The following KPNA1 variants were observed in gnomAD, a reference collection of about 807,000 sequenced individuals.
KPNA1 encodes importin subunit alpha-5.
Under a neutral mutation model 70.5 loss-of-function variants are expected in KPNA1, and 10 were observed. That is an observed-to-expected ratio of 0.14 (90% confidence interval 0.09 to 0.24). KPNA1 has a LOEUF of 0.24. Ranked by LOEUF, KPNA1 falls within the 10% of genes least tolerant of loss-of-function variation. KPNA1 has a pLI of 1.00. For missense variants in KPNA1, 397 were observed against 637.9 expected (o/e 0.62, Z 4.07); for synonymous variants, 192 against 221.9 (o/e 0.87, Z 1.20).
chr3:122,439,606 A>C (rs891117502), intron 10 of KPNA1, among the ~76,000 whole-genome samples: 2 of 152,224 alleles, frequency 1.3e-5, no homozygotes, highest in Non-Finnish European at 2.9e-5. Flanking sequence ...TTTATCTTAC[A>C]GGCACTAAAG....
At chr3:122,457,689 A>C in intron 5 of KPNA1, 1 of 1,269,830 alleles carries the variant, frequency 7.9e-7, no homozygotes, top group Non-Finnish European at 1.0e-6. Flanking sequence ...TTCCTTAAAT[A>C]AGGAAAATGA....
rs2075876107 is a variant in KPNA1, at chr3:122,429,778, A to G, written c.1251-2062T>C. Among the ~76,000 whole-genome samples the G allele has an allele frequency of 3.3e-5, 5 of 152,214 alleles. No homozygotes were observed. The South Asian group carries it at 1.0e-3, about 32-fold the overall frequency. ...ACTGAAGAACAAAGTTGGAGGAATGACATTATCAACTTACTATAATCTAAT... is the reference window on the plus strand; with the variant it reads ...ACTGAAGAACAAAGTTGGAGGAATGGCATTATCAACTTACTATAATCTAAT... On this transcript the variant is annotated intron_variant, in intron 12 of 13. Transcript: ENST00000344337.
At chr3:122,442,738 T>C (rs2076080515) in intron 9 of KPNA1, 1 of 152,206 alleles carries the variant, frequency 6.6e-6, no homozygotes, top group Non-Finnish European at 1.5e-5. Flanking sequence ...GTCCTATTTT[T>C]CCCTCCACTT....
rs563416908 is a variant in KPNA1 at position 122,504,281 on chromosome 3, C to T, written c.-5-7711G>A. ...AATTCAGTATCTGGTGAGGACCCAC[C>T]TCCTGGTTCACAGATGACCATTTTT... On this transcript the variant is annotated intron_variant, in intron 1 of 13. Transcript: ENST00000344337. Among the ~76,000 whole-genome samples the T allele has an allele frequency of 7.3e-5, 11 of 151,422 alleles. No homozygotes were observed. In the South Asian group the frequency reaches 2.3e-3, roughly 32 times the overall value.
At chr3:122,449,483 C>G in intron 9 of KPNA1, 91 bp downstream of exon 9, 1 of 1,010,862 alleles carries the variant, frequency 9.9e-7, no homozygotes. Flanking sequence ...AATCAATTAT[C>G]ATGTACAATC....
intron 2 of KPNA1, among the ~76,000 whole-genome samples, chr3:122,468,280 G>A (rs981728585): frequency 1.3e-5 from 2 of 152,140 alleles, no homozygotes; most frequent in Non-Finnish European, 2.9e-5. Context: ...CCTTGGATTT[G>A]AGAAAACACA....
At chr3:122,503,226 C>T (rs2076850157) in intron 1 of KPNA1, among the ~76,000 whole-genome samples, 2 of 151,380 alleles carry the variant, frequency 1.3e-5, no homozygotes, top group South Asian at 4.2e-4. Context: ...TAAGGGTAAG[C>T]AATTAAAGCC....
At chr3:122,460,523 G>T in intron 5 of KPNA1, 1 of 203,432 alleles carries the variant, frequency 4.9e-6, no homozygotes, top group Non-Finnish European at 8.7e-6. Context: ...TGTAATCCCA[G>T]CTTCATGGGA....
At chr3:122,483,929 A>G (rs1049558795) in intron 2 of KPNA1, among the ~76,000 whole-genome samples, 1 of 152,186 alleles carries the variant, frequency 6.6e-6, no homozygotes, top group African/African-American at 2.4e-5. Context: ...CCTGCATTTA[A>G]TGTCTTGAAT....
chr3:122,465,008 A>G (rs2076364452), intron 3 of KPNA1, among the ~76,000 whole-genome samples: 1 of 152,264 alleles, frequency 6.6e-6, no homozygotes, highest in South Asian at 2.1e-4. Flanking sequence ...ATATGTTTGC[A>G]TAAACACATT....
intron 2 of KPNA1, among the ~76,000 whole-genome samples, chr3:122,475,661 T>G (rs1299401651): frequency 6.6e-6 from 1 of 152,136 alleles, no homozygotes; most frequent in Non-Finnish European, 1.5e-5. Flanking sequence ...GTCAAAAACC[T>G]ACATATAACT....
intron 2 of KPNA1, among the ~76,000 whole-genome samples, chr3:122,477,269 G>C (rs1357118427): frequency 6.6e-6 from 1 of 152,170 alleles, no homozygotes; most frequent in Non-Finnish European, 1.5e-5. Flanking sequence ...AGTGTGGAGG[G>C]CTGGGGACAG....
chr3:122,431,394 T>C (rs1250860192), intron 12 of KPNA1, among the ~76,000 whole-genome samples: 5 of 151,732 alleles, frequency 3.3e-5, no homozygotes, highest in African/African-American at 1.2e-4. Context: ...TGACCTCAAG[T>C]GATTTGCTTG....
chr3:122,472,285 A>AT (rs2076451353), intron 2 of KPNA1, among the ~76,000 whole-genome samples: 1 of 152,196 alleles, frequency 6.6e-6, no homozygotes. Flanking sequence ...CAGAAATATA[A>AT]TTTTTAAAAA....
chr3:122,441,512 T>C (rs569683679), intron 10 of KPNA1, among the ~76,000 whole-genome samples: 1 of 152,218 alleles, frequency 6.6e-6, no homozygotes, highest in South Asian at 2.1e-4. Context: ...GACCAAAAAA[T>C]AGTCACTATC....
intron 6 of KPNA1, among the ~76,000 whole-genome samples, chr3:122,452,564 G>GGAAGGAA (rs1413159244): frequency 9.9e-5 from 3 of 30,202 alleles, no homozygotes; most frequent in Non-Finnish European, 1.9e-4. Flanking sequence ...GAGGGAGGGA[G>GGAAGGAA]GGAAGGAGGG....
chr3:122,510,443 A>G (rs1199434621), intron 1 of KPNA1, among the ~76,000 whole-genome samples: 3 of 152,246 alleles, frequency 2.0e-5, no homozygotes, highest in Non-Finnish European at 4.4e-5. Flanking sequence ...AACAAAAAAT[A>G]CTAACTTGTA....
intron 2 of KPNA1, among the ~76,000 whole-genome samples, chr3:122,490,657 T>C (rs2107491813): frequency 6.6e-6 from 1 of 152,288 alleles, no homozygotes; most frequent in Non-Finnish European, 1.5e-5. Context: ...AACCAGTTAT[T>C]TTTGCAAGGA....
At chr3:122,451,833 T>A in intron 7 of KPNA1, 143 bp downstream of exon 7, 1 of 683,290 alleles carries the variant, frequency 1.5e-6, no homozygotes. Flanking sequence ...CTTGAGGAAA[T>A]GATCTAAACA....
Sources: gnomAD v4.1 joint callset for allele counts (sites outside exome capture counted in the v4.1 genomes callset) on GRCh38, gnomAD v4.1.1 for gene constraint, MANE v1.5 for transcripts, NCBI Gene and HGNC (gene_info 2026-07-23, HGNC 2026-07-21) for gene names.